The following DNAH1 variants were observed in gnomAD, a reference collection of about 807,000 sequenced individuals.
DNAH1 encodes dynein axonemal heavy chain 1.
Under a neutral mutation model 484.3 loss-of-function variants are expected in DNAH1, and 327 were observed. The observed-to-expected ratio is 0.68, with a 90% CI of 0.62 to 0.74. The LOEUF (loss-of-function observed/expected upper bound fraction) is 0.74, where lower values mean the gene tolerates loss of function less well. DNAH1 is among the 30% of genes least tolerant of loss of function. The pLI is 0.00. For synonymous variants in DNAH1, 2,192 were observed against 2,191.9 expected (o/e 1.00, Z 0.00); for missense variants, 5,052 against 5,546.8 (o/e 0.91, Z 2.83).
Position 52,321,262 on chromosome 3 carries a change from A to G in DNAH1, c.-34-1147A>G, listed in dbSNP as rs1242937975. Among the ~76,000 whole-genome samples the G allele has an allele frequency of 7.2e-5, 11 of 151,738 alleles. No individual in the cohort carries two copies. In the East Asian group the frequency reaches 2.1e-3, roughly 29 times the overall value. The stretch of plus-strand genomic sequence containing the variant: ...CTCCCACGTAGCTGGGATTACAGGC[A>G]TGTGCCACCACACCTGGCTAATTTT... On this transcript the variant is annotated intron_variant, in intron 1 of 77. Transcript: ENST00000420323.
rs778635747 is a variant in DNAH1, at chr3:52,370,748, G to T, written c.6448G>T (p.Val2150Leu). The T allele has an allele frequency of 6.2e-7, 1 of 1,607,048 alleles. No homozygotes were observed. Among genetic ancestry groups the T allele is most frequent in the East Asian group, 2.2e-5 (1 of 44,656 alleles). The change falls in exon 41 of 78, where the codon GTG becomes TTG. Residue 2150 changes from valine (V) to leucine (L), a missense_variant. By Grantham distance (32) the Val-to-Leu change is conservative. Transcript: ENST00000420323. The stretch of plus-strand genomic sequence containing the variant: ...TCTGCTTTTCCCAGAAGAGGGGCTG[G>T]TGTTCGATTACAGGCTGGAGGACGC... ...LTLLFPEEGLVFDYRLEDAGI... is the reference protein window; with the variant it reads ...LTLLFPEEGLLFDYRLEDAGI...
intron 66 of DNAH1, among the ~76,000 whole-genome samples, 156 bp from the exon 67 acceptor site, chr3:52,394,309 T>G (rs530392238): frequency 5.3e-5 from 8 of 152,258 alleles, no homozygotes; most frequent in African/African-American, 1.7e-4. Context: ...AAAGGCAGGG[T>G]GGGAACACTA....
Position 52,395,005 on chromosome 3 carries a change from C to T in DNAH1, c.10914C>T (p.Asn3638=), listed in dbSNP as rs374622615. Residue 3638 remains asparagine, a synonymous_variant, in exon 68 of 78, where the codon AAC becomes AAT. Coordinates refer to ENST00000420323, the MANE Select transcript of DNAH1 (RefSeq NM_015512.5). This position sits in a 1 kb window ranked among gnomAD's most constrained non-coding sequence, Gnocchi z 4.4. ...LRCLRGDKVT[N]AMQDFVATNL... ...GCCTGCGTGGGGACAAGGTTACCAA[C>T]GCCATGCAGGACTTTGTGGCCACCA... is the stretch of plus-strand genomic sequence containing the variant. The T allele has an allele frequency of 8.7e-5, 140 of 1,612,022 alleles. No homozygotes were observed. The highest frequency in any genetic ancestry group is 1.3e-4 in the Admixed American group (8 of 59,768).
In DNAH1 at chr3:52,353,766, G is replaced by A. The variant is rs1202123607; in HGVS notation, c.3480+133G>A. The A allele has an allele frequency of 5.9e-6, 7 of 1,182,802 alleles. No individual in the cohort carries two copies. The highest frequency in any genetic ancestry group is 5.9e-6 in the Non-Finnish European group (5 of 849,926). 73.3% of individuals were successfully genotyped at this position (1,182,802 alleles called of 1,614,324 possible). A position where few individuals can be genotyped will look rare whatever the true frequency, so the allele number is the denominator to read the frequency against. On this transcript the variant is annotated intron_variant, in intron 20 of 77. Transcript: ENST00000420323. The surrounding 1 kb of genome is among the most constrained non-coding windows in gnomAD (Gnocchi z 5.0). ...CATCCCTGGGGTCATGAGGCCCAGG[G>A]GTTGAGATGCATTCTATTAAGTGAG... is the stretch of plus-strand genomic sequence containing the variant.
At chr3:52,363,325 G>C (rs1702942099) in intron 32 of DNAH1, among the ~76,000 whole-genome samples, 181 bp downstream of exon 32, 1 of 152,280 alleles carries the variant, frequency 6.6e-6, no homozygotes, top group Admixed American at 6.5e-5. Context: ...AGGACACCGA[G>C]GTCCTAGGTA....
chr3:52,375,749 T>C (rs971054823), intron 45 of DNAH1, among the ~76,000 whole-genome samples: 15 of 152,188 alleles, frequency 9.9e-5, no homozygotes, highest in Non-Finnish European at 1.9e-4. Flanking sequence ...CGTTAGTACT[T>C]GCCCAGAAAC....
Position 52,370,481 on chromosome 3 carries a change from T to C in DNAH1, c.6263T>C (p.Leu2088Pro). Residue 2088 changes from leucine to proline, a missense_variant, in exon 40 of 78, where the codon CTC (leucine) becomes CCC (proline). Coordinates refer to ENST00000420323, the MANE Select transcript of DNAH1 (RefSeq NM_015512.5). ...TACTGTTCCCTTCATCCCCAGGGCCTCAAGAAAATACCCTCTGAAAAGCTG... is the reference window on the plus strand; with the variant it reads ...TACTGTTCCCTTCATCCCCAGGGCCCCAAGAAAATACCCTCTGAAAAGCTG... ...FFKPFLPREGLKKIPSEKLSR... is the reference protein window; with the variant it reads ...FFKPFLPREGPKKIPSEKLSR... The C allele has an allele frequency of 5.0e-6, 8 of 1,613,974 alleles. No individual in the cohort carries two copies. The highest frequency in any genetic ancestry group is 6.8e-6 in the Non-Finnish European group (8 of 1,179,884).
At chr3:52,331,017 G>T in intron 6 of DNAH1, 131 bp from the exon 7 acceptor site, 1 of 1,162,050 alleles carries the variant, frequency 8.6e-7, no homozygotes, top group Non-Finnish European at 1.2e-6. Flanking sequence ...GAGCAGAGGG[G>T]GGCATCCCAG....
chr3:52,391,645 C>T (rs1430436753), intron 63 of DNAH1, 42 bp downstream of exon 63: 2 of 1,609,450 alleles, frequency 1.2e-6, no homozygotes, highest in Non-Finnish European at 1.7e-6. Flanking sequence ...TCAGCTCTGC[C>T]TCTGCCTGCC....
At chr3:52,311,654 C>G (rs897922849), upstream of DNAH1, among the ~76,000 whole-genome samples, 1 of 152,230 alleles carries the variant, frequency 6.6e-6, no homozygotes, top group South Asian at 2.1e-4. Context: ...GCAAGGCCCC[C>G]TTCCCTCCAC....
In DNAH1 at chr3:52,397,768, A is replaced by G. The variant is rs1704700697; in HGVS notation, c.11849A>G (p.His3950Arg). 3 of 1,613,862 alleles carry G rather than the reference A, an allele frequency of 1.9e-6. No homozygotes were observed. The highest frequency in any genetic ancestry group is 1.7e-6 in the Non-Finnish European group (2 of 1,179,792). The change falls in exon 74 of 78, where the codon CAT (histidine) becomes CGT (arginine). Residue 3950 changes from histidine to arginine, a missense_variant. By Grantham distance (29) the His-to-Arg change is conservative (BLOSUM62 0). Around this residue, in one of 4 missense-constraint regions of DNAH1, gnomAD observed 853 missense variants for 899.0 expected, o/e 0.95. Transcript: ENST00000420323. ...LNDMPEIFGL[H>R]DNANITFAQN... Reference sequence around the variant, plus strand: ...GATATGCCTGAGATCTTTGGCCTGCATGACAATGCCAACATCACCTTTGCC... The same window carrying G: ...GATATGCCTGAGATCTTTGGCCTGCGTGACAATGCCAACATCACCTTTGCC...
Position 52,395,079 on chromosome 3 carries a change from C to T in DNAH1, c.10968+20C>T, listed in dbSNP as rs1283752056. On this transcript the variant is annotated intron_variant, in intron 68 of 77. Transcript: ENST00000420323. This position sits in a 1 kb window ranked among gnomAD's most constrained non-coding sequence, Gnocchi z 4.4. Reference sequence around the variant, plus strand: ...CCCCAGGCAAGTGCTGGAACCCTGGCAGGACTGGCACCTTGAGCTTGTCCC... The same window carrying T: ...CCCCAGGCAAGTGCTGGAACCCTGGTAGGACTGGCACCTTGAGCTTGTCCC... The T allele has an allele frequency of 6.3e-7, 1 of 1,599,400 alleles. No individual in the cohort carries two copies. The highest frequency in any genetic ancestry group is 1.1e-5 in the South Asian group (1 of 88,448).
intron 6 of DNAH1, 132 bp from the exon 7 acceptor site, chr3:52,331,016 G>A: frequency 8.7e-7 from 1 of 1,154,304 alleles, no homozygotes; most frequent in Non-Finnish European, 1.2e-6. Context: ...GGAGCAGAGG[G>A]GGGCATCCCA....
intron 55 of DNAH1, 25 bp from the exon 56 acceptor site, chr3:52,386,637 C>T: frequency 6.5e-7 from 1 of 1,537,916 alleles, no homozygotes; most frequent in Non-Finnish European, 8.8e-7. Context: ...TCTGAGTCTT[C>T]CCCACTTGGT....
chr3:52,388,377 G>C (rs1206336391), intron 57 of DNAH1, 41 bp from the exon 58 acceptor site: 2 of 1,601,400 alleles, frequency 1.2e-6, no homozygotes, highest in South Asian at 2.2e-5. Context: ...TCCCCTCCCG[G>C]GGGTACTTGG....
At chr3:52,385,650 G>T (rs1389588192) in intron 54 of DNAH1, among the ~76,000 whole-genome samples, 2 of 152,252 alleles carry the variant, frequency 1.3e-5, no homozygotes, top group East Asian at 3.8e-4. Flanking sequence ...ACTGGGCAGG[G>T]GGTCGGTGAG....
At chr3:52,341,228 A>G (rs1007327382) in intron 8 of DNAH1, among the ~76,000 whole-genome samples, 9 of 152,180 alleles carry the variant, frequency 5.9e-5, no homozygotes, top group Non-Finnish European at 1.5e-5. Flanking sequence ...TCTGCAGTGT[A>G]TGCTGGCTTC....
intron 27 of DNAH1, 34 bp from the exon 28 acceptor site, chr3:52,360,277 C>T (rs1559528080): frequency 1.0e-5 from 16 of 1,591,670 alleles, no homozygotes; most frequent in Non-Finnish European, 1.3e-5. Flanking sequence ...GCCCATTGCC[C>T]CATGGCCAGG....
Position 52,352,121 on chromosome 3 carries a change from G to T in DNAH1, c.2871+18G>T, listed in dbSNP as rs76451298. 4.3e-4 allele frequency: 666 copies of T among 1,564,256 alleles called. 2 individuals are homozygous for T. The African/African-American group carries it at 8.0e-3, about 19-fold the overall frequency. ...GGCTGCAGGTGGGGCACAGCTGCAGGCTTGGTGCTGGACACAGCCCCCACC... is the reference window on the plus strand; with the variant it reads ...GGCTGCAGGTGGGGCACAGCTGCAGTCTTGGTGCTGGACACAGCCCCCACC... On this transcript the variant is annotated intron_variant, in intron 17 of 77. Coordinates refer to ENST00000420323, the MANE Select transcript of DNAH1 (RefSeq NM_015512.5).
Sources: gnomAD v4.1 joint callset for allele counts (sites outside exome capture counted in the v4.1 genomes callset) on GRCh38, gnomAD v4.1.1 for gene constraint, gnomAD v4.1.1 regional missense constraint, Gnocchi (gnomAD v3.1) non-coding constraint, MANE v1.5 for transcripts, NCBI Gene and HGNC (gene_info 2026-07-23, HGNC 2026-07-21) for gene names.